AXIN1: variants seen among roughly 807,000 people sequenced by gnomAD.
AXIN1 encodes the protein axin 1, also known as axin-1.
In AXIN1, 30 loss-of-function variants were observed where a neutral mutation model predicts 76.4. The ratio of observed to expected loss-of-function variants is 0.39; its 90% confidence interval spans 0.29 to 0.53. AXIN1 has a LOEUF of 0.53. AXIN1 is among the 20% of genes least tolerant of loss of function. The probability of loss-of-function intolerance (pLI) is 0.66; values close to 1 mark genes in which losing one functional copy is unlikely to be tolerated. For synonymous variants in AXIN1, 545 were observed against 501.4 expected, an observed-to-expected ratio of 1.09 and a Z score of -1.16; for missense variants, 1,140 against 1,198.8, an observed-to-expected ratio of 0.95 and a Z score of 0.72.
At chr16:315,446 T>C (rs567355191) in intron 2 of AXIN1, among the ~76,000 whole-genome samples, 84 of 152,350 alleles carry the variant, frequency 5.5e-4, no homozygotes, top group Middle Eastern at 3.4e-3. Flanking sequence ...TCTGGTTATA[T>C]ACGCAAAAAA....
At chr16:337,497 C>CAA (rs35744069) in intron 2 of AXIN1, among the ~76,000 whole-genome samples, 47 of 72,020 alleles carry the variant, frequency 6.5e-4, no homozygotes, top group East Asian at 5.1e-3. Context: ...GGGTCAAAAC[C>CAA]AAAAAAAAAA....
At chr16:308,329 G>T (rs955047386) in intron 4 of AXIN1, among the ~76,000 whole-genome samples, 1 of 152,190 alleles carries the variant, frequency 6.6e-6, no homozygotes, top group Non-Finnish European at 1.5e-5. Flanking sequence ...CACGTTCCAG[G>T]CACCAACGCA....
chr16:321,112 G>A (rs2053447531), intron 2 of AXIN1, among the ~76,000 whole-genome samples: 1 of 152,180 alleles, frequency 6.6e-6, no homozygotes, highest in African/African-American at 2.4e-5. Context: ...GGAGGCTGGA[G>A]GTAGATCTGG....
Position 320,906 on chromosome 16 carries a change from A to AT in AXIN1, c.879-6224dup, listed in dbSNP as rs1433416352. Among the ~76,000 whole-genome samples, 8 of 151,576 alleles carry AT rather than the reference A, an allele frequency of 5.3e-5. No individual in the cohort carries two copies. The South Asian group carries it at 6.3e-4, about 12-fold the overall frequency. ...AGGCACACGTCACCACGCCCGGCTA[A>AT]TTTTTGTATTTTTAGTAGAGACAAG... On this transcript the variant is annotated intron_variant, in intron 2 of 10. Transcript: ENST00000262320.
At chr16:289,038 C>T (rs1281628937) in intron 10 of AXIN1, among the ~76,000 whole-genome samples, 2 of 151,906 alleles carry the variant, frequency 1.3e-5, no homozygotes, top group Admixed American at 1.3e-4. Flanking sequence ...GCTTTAGTTG[C>T]AGATGAGGGA....
chr16:327,074 G>A (rs2141644544), intron 2 of AXIN1, among the ~76,000 whole-genome samples: 1 of 152,038 alleles, frequency 6.6e-6, no homozygotes, highest in East Asian at 1.9e-4. Context: ...CCTGGGAGGT[G>A]GAGCTTGCAG....
intron 2 of AXIN1, 42 bp downstream of exon 2, chr16:346,106 C>A (rs776076606): frequency 5.0e-6 from 8 of 1,594,128 alleles, no homozygotes; most frequent in Non-Finnish European, 6.9e-6. Flanking sequence ...CTCCAGCTCT[C>A]GGAGGTGAGT....
chr16:344,595 T>C (rs2141694747), intron 2 of AXIN1, among the ~76,000 whole-genome samples: 1 of 151,778 alleles, frequency 6.6e-6, no homozygotes, highest in East Asian at 2.0e-4. Context: ...TTCAAGCGAT[T>C]CTCCTGCTTC....
At chr16:309,390 A>C (rs1228616954) in intron 4 of AXIN1, among the ~76,000 whole-genome samples, 3 of 152,198 alleles carry the variant, frequency 2.0e-5, no homozygotes, top group African/African-American at 7.2e-5. Flanking sequence ...TAATCTGTTC[A>C]TCAGCGCAGG....
At chr16:288,308 T>C (rs750083187) in intron 10 of AXIN1, 60 bp from the exon 11 acceptor site, 3 of 1,608,472 alleles carry the variant, frequency 1.9e-6, no homozygotes, top group African/African-American at 2.8e-5. Context: ...GAAGGAGGCC[T>C]GTGGCAGGGG....
Position 346,603 on chromosome 16 carries a change from C to T in AXIN1, c.423G>A (p.Ala141=), listed in dbSNP as rs753413465. The change falls in exon 2 of 11, where the codon GCG becomes GCA. Residue 141 remains alanine (A), a synonymous_variant. Coordinates refer to ENST00000262320, the MANE Select transcript of AXIN1 (RefSeq NM_003502.4). The part of the protein sequence containing the change: ...DSNEEKRLKL[A]RAIYRKYILD... The stretch of plus-strand genomic sequence containing the variant: ...GAATGTACTTTCGGTAGATGGCTCT[C>T]GCCAGCTTCAGCCTCTTCTCCTCGT... 14 of 1,604,648 alleles carry T rather than the reference C, an allele frequency of 8.7e-6. No homozygotes were observed. In the South Asian group the frequency reaches 1.2e-4, roughly 14 times the overall value.
chr16:352,321 GC>G, intron 1 of AXIN1, 47 bp downstream of exon 1: 3 of 964,240 alleles, frequency 3.1e-6, no homozygotes, highest in Non-Finnish European at 3.7e-6. Flanking sequence ...GGTCCCGCCC[GC>G]CCGGCCTACC....
chr16:293,365 T>C lies in AXIN1; in HGVS notation c.2186+123A>G, dbSNP rs916394353. Reference sequence around the variant, plus strand: ...TCTCAGTGGATGGAAGGGCCCAGTATGGCTGGGGGACACCCAGAGGGCCGT... The same window carrying C: ...TCTCAGTGGATGGAAGGGCCCAGTACGGCTGGGGGACACCCAGAGGGCCGT... On this transcript the variant is annotated intron_variant, in intron 8 of 10. Coordinates refer to ENST00000262320, the MANE Select transcript of AXIN1 (RefSeq NM_003502.4). This position sits in a 1 kb window ranked among gnomAD's most constrained non-coding sequence, Gnocchi z 4.6. 1 of 976,424 alleles carries C rather than the reference T, an allele frequency of 1.0e-6. No homozygotes were observed. The highest frequency in any genetic ancestry group is 1.5e-6 in the Non-Finnish European group (1 of 652,992). 60.5% of individuals were successfully genotyped at this position (976,424 alleles called of 1,614,324 possible). A position where few individuals can be genotyped will look rare whatever the true frequency, so the allele number is the denominator to read the frequency against.
chr16:336,825 A>C (rs1351415826), intron 2 of AXIN1, among the ~76,000 whole-genome samples: 1 of 150,156 alleles, frequency 6.7e-6, no homozygotes, highest in Non-Finnish European at 1.5e-5. Context: ...TCAAAAAAAA[A>C]AAAAAAAAAC....
chr16:311,542 C>T (rs915984708), intron 3 of AXIN1, among the ~76,000 whole-genome samples: 8 of 150,942 alleles, frequency 5.3e-5, no homozygotes, highest in Non-Finnish European at 8.9e-5. Flanking sequence ...GAGGCCGAGG[C>T]GGGCGGATCA....
chr16:325,355 T>C lies in AXIN1; in HGVS notation c.879-10672A>G, dbSNP rs148162714. 2.4e-3 allele frequency among the ~76,000 whole-genome samples: 369 copies of C among 152,318 alleles called. 4 individuals are homozygous for C. The highest frequency in any genetic ancestry group is 0.017 in the Admixed American group (254 of 15,298). ...TCTGGCTTTCTTCACTGGCACAGGATCCTGAGATGCACCCCTGCCTCCATG... is the reference window on the plus strand; with the variant it reads ...TCTGGCTTTCTTCACTGGCACAGGACCCTGAGATGCACCCCTGCCTCCATG... On this transcript the variant is annotated intron_variant, in intron 2 of 10. Transcript: ENST00000262320.
At chr16:299,197 A>C in intron 5 of AXIN1, 1 of 985,440 alleles carries the variant, frequency 1.0e-6, no homozygotes, top group Middle Eastern at 5.2e-4. Flanking sequence ...ACAGGTGCTG[A>C]AGCTTATCTG....
In AXIN1 at chr16:346,907, G is replaced by A. The variant is rs766212204; in HGVS notation, c.119C>T (p.Ala40Val). The A allele has an allele frequency of 1.2e-5, 19 of 1,613,724 alleles. No individual in the cohort carries two copies. In the Admixed American group the frequency reaches 3.2e-4, roughly 27 times the overall value. Residue 40 changes from alanine to valine, a missense_variant, in exon 2 of 11, where the codon GCC becomes GTC. By Grantham distance (64) the Ala-to-Val change is moderately conservative. Around this residue, in one of 3 missense-constraint regions of AXIN1, gnomAD observed 708 missense variants for 776.9 expected, o/e 0.91. Coordinates refer to ENST00000262320, the MANE Select transcript of AXIN1 (RefSeq NM_003502.4). The part of the protein sequence containing the change: ...GELVSTDPRP[A>V]SYSFCSGKGV... ...TTTCCCGGAGCAGAAACTGTAGCTG[G>A]CGGGCCTCGGGTCTGTGGACACCAG...
At chr16:294,460 CAAAAAAAAAAAA>C (rs35746106) in intron 7 of AXIN1, among the ~76,000 whole-genome samples, 3 of 48,288 alleles carry the variant, frequency 6.2e-5, no homozygotes, top group Non-Finnish European at 1.1e-4. Context: ...GACTCCATCT[CAAAAAAAAAAAA>C]AAAAAAAAAA....
Sources: allele counts gnomAD v4.1 joint callset (sites outside exome capture counted in the v4.1 genomes callset), GRCh38; gene constraint gnomAD v4.1.1; regional missense constraint gnomAD v4.1.1; non-coding constraint Gnocchi (gnomAD v3.1); transcripts MANE v1.5; gene names NCBI Gene and HGNC (gene_info 2026-07-23, HGNC 2026-07-21).